TMCO2: variants seen among roughly 807,000 people sequenced by gnomAD.
The protein encoded by TMCO2 is transmembrane and coiled-coil domains 2, also known as transmembrane and coiled-coil domain-containing protein 2.
Under a neutral mutation model 18.0 loss-of-function variants are expected in TMCO2, and 15 were observed. The ratio of observed to expected loss-of-function variants is 0.84; its 90% CI spans 0.56 to 1.29. The LOEUF (loss-of-function observed/expected upper bound fraction) is 1.29. Ranked by LOEUF, TMCO2 falls within the 50% of genes most tolerant of loss-of-function variation. TMCO2 has a pLI of 0.00. For missense variants in TMCO2, 182 were observed against 200.9 expected, an observed-to-expected ratio of 0.91 and a Z score of 0.57; for synonymous variants, 79 against 75.9, an observed-to-expected ratio of 1.04 and a Z score of -0.21.
rs899767131 is a variant in TMCO2, at chr1:40,251,400, C to A, written c.355C>A (p.Leu119Ile). 3.1e-6 allele frequency: 5 copies of A among 1,613,952 alleles called. No homozygotes were observed. The highest frequency in any genetic ancestry group is 1.3e-5 in the African/African-American group (1 of 74,914). The change falls in exon 2 of 2, where the codon CTT (leucine) becomes ATT (isoleucine). Residue 119 changes from leucine (L) to isoleucine (I), a missense_variant. Coordinates refer to ENST00000372766, the MANE Select transcript of TMCO2 (RefSeq NM_001008740.4). ...SGLRIQDNNN[L>I]FLSLGLQEKI... ...TCTCCGAATTCAAGACAATAATAAT[C>A]TTTTCCTGTCCTTGGGTCTGCAAGA...
At position 40,251,622 on chromosome 1, in the gene TMCO2, G is replaced by C. The variant is rs764961141; in HGVS notation, c.*28G>C. The stretch of plus-strand genomic sequence containing the variant: ...TGTGATGGACTCCAATCTTTTCCAG[G>C]AAAGCACTGTTTCCCTCATGTGTGC... On this transcript the variant is annotated 3_prime_UTR_variant, in exon 2 of 2. Coordinates refer to ENST00000372766, the MANE Select transcript of TMCO2 (RefSeq NM_001008740.4). The C allele has an allele frequency of 1.9e-6, 3 of 1,585,592 alleles. No individual in the cohort carries two copies. In the African/African-American group the frequency reaches 4.1e-5, roughly 22 times the overall value.
intron 1 of TMCO2, among the ~76,000 whole-genome samples, chr1:40,249,560 CAA>C (rs1643364752): frequency 6.8e-6 from 1 of 146,530 alleles, no homozygotes; most frequent in Non-Finnish European, 1.5e-5. Flanking sequence ...GCCTGGGCGA[CAA>C]AGACTGTGTC....
rs756324888 is a variant in TMCO2 at position 40,251,374 on chromosome 1, G to A, written c.329G>A (p.Gly110Asp). ...EALLANPEGS[G>D]LRIQDNNNLF... The stretch of plus-strand genomic sequence containing the variant: ...TTGCTAGCCAACCCAGAAGGAAGTG[G>A]TCTCCGAATTCAAGACAATAATAAT... The change falls in exon 2 of 2, where the codon GGT becomes GAT. Residue 110 changes from glycine (G) to aspartate (D), a missense_variant. Coordinates refer to ENST00000372766, the MANE Select transcript of TMCO2 (RefSeq NM_001008740.4). The A allele has an allele frequency of 1.1e-5, 17 of 1,614,072 alleles. No homozygotes were observed. Among genetic ancestry groups the A allele is most frequent in the Non-Finnish European group, 1.4e-5 (17 of 1,180,016 alleles).
At chr1:40,251,253 T>C in intron 1 of TMCO2, 30 bp from the exon 2 acceptor site, 1 of 1,582,710 alleles carries the variant, frequency 6.3e-7, no homozygotes, top group Non-Finnish European at 8.6e-7. Context: ...CTGTAGCAAC[T>C]AACACTCAAC....
chr1:40,250,788 G>A (rs1436938926), intron 1 of TMCO2, among the ~76,000 whole-genome samples: 1 of 152,162 alleles, frequency 6.6e-6, no homozygotes, highest in Non-Finnish European at 1.5e-5. Flanking sequence ...AATCCTGCCT[G>A]ACCTGCCTAC....
intron 1 of TMCO2, among the ~76,000 whole-genome samples, chr1:40,248,687 AT>A (rs1643357398): frequency 1.3e-5 from 2 of 152,302 alleles, no homozygotes; most frequent in South Asian, 4.1e-4. Context: ...CTCCATAAGT[AT>A]ATAGGAGCTC....
intron 1 of TMCO2, among the ~76,000 whole-genome samples, chr1:40,251,068 C>T (rs1234648403): frequency 2.2e-5 from 3 of 137,846 alleles, no homozygotes; most frequent in South Asian, 2.3e-4. Context: ...ACCTGGGAGG[C>T]GGAGCTTGTA....
chr1:40,251,215 GT>G, intron 1 of TMCO2, 67 bp from the exon 2 acceptor site: 2 of 1,351,516 alleles, frequency 1.5e-6, no homozygotes, highest in Non-Finnish European at 2.0e-6. Context: ...TTAGGTTTTT[GT>G]TTTGTTTTTC....
rs762758959 is a variant in TMCO2 at position 40,248,162 on chromosome 1, ATTTC to A, written c.176_179del (p.Phe59Ter). The A allele has an allele frequency of 5.6e-6, 9 of 1,613,974 alleles. No individual in the cohort carries two copies. Among genetic ancestry groups the A allele is most frequent in the Non-Finnish European group, 7.6e-6 (9 of 1,180,024 alleles). On this transcript the variant is annotated frameshift_variant, in exon 1 of 2. Transcript: ENST00000372766. LOFTEE classifies it high-confidence loss of function. ...TCCAGCTGTGCAAATCATCTTGAGGATTTCTTTCTTGATTTTATTGGGAATAGGA... is the reference window on the plus strand; with the variant it reads ...TCCAGCTGTGCAAATCATCTTGAGGATTTCTTGATTTTATTGGGAATAGGA...
intron 1 of TMCO2, 100 bp downstream of exon 1, chr1:40,248,330 G>A (rs1643355077): frequency 9.8e-7 from 1 of 1,020,048 alleles, no homozygotes. Flanking sequence ...ATGCAGATGT[G>A]CAAAGGCGAA....
chr1:40,248,231 G>A lies in TMCO2; in HGVS notation c.237+1G>A. ...GAAACGAAGTATTCAGTCAATTCAG[G>A]TTATACTCTTTTGTTACAAACATTT... On this transcript the variant is annotated splice_donor_variant, in intron 1 of 1. Coordinates refer to ENST00000372766, the MANE Select transcript of TMCO2 (RefSeq NM_001008740.4). LOFTEE classifies it high-confidence loss of function. 1 of 1,603,490 alleles carries A rather than the reference G, an allele frequency of 6.2e-7. No homozygotes were observed. The highest frequency in any genetic ancestry group is 8.5e-7 in the Non-Finnish European group (1 of 1,171,266).
Position 40,251,288 on chromosome 1 carries a change from A to C in TMCO2, c.243A>C (p.Thr81=). Residue 81 remains threonine (T), a synonymous_variant, in exon 2 of 2, where the codon ACA becomes ACC. Transcript: ENST00000372766. The stretch of plus-strand genomic sequence containing the variant: ...CTTCTGTTGTTCCATTTTAGAAAAC[A>C]TTGTTGTTTGTAATCACACTCTACA... ...WKRSIQSIQK[T]LLFVITLYKL... 6.2e-7 allele frequency: 1 copy of C among 1,608,122 alleles called. No individual in the cohort carries two copies. The highest frequency in any genetic ancestry group is 1.1e-5 in the South Asian group (1 of 89,208).
chr1:40,251,161 C>A (rs878859917), intron 1 of TMCO2, 122 bp from the exon 2 acceptor site: 9 of 683,218 alleles, frequency 1.3e-5, no homozygotes, highest in Admixed American at 3.7e-5. Flanking sequence ...AAAAAATTTG[C>A]TAAATGGGAG....
chr1:40,250,055 G>C (rs1233388654), intron 1 of TMCO2, among the ~76,000 whole-genome samples: 4 of 151,400 alleles, frequency 2.6e-5, no homozygotes, highest in Admixed American at 2.6e-4. Flanking sequence ...GGAGTGCAGT[G>C]GTGTCATCAT....
At chr1:40,250,310 A>T (rs1310887360) in intron 1 of TMCO2, among the ~76,000 whole-genome samples, 3 of 146,416 alleles carry the variant, frequency 2.0e-5, no homozygotes, top group African/African-American at 7.8e-5. Context: ...TTTATTTTAT[A>T]TAAATAAAAT....
Position 40,251,255 on chromosome 1 carries a change from A to C in TMCO2, c.238-28A>C. ...TATAGATAGTAAACTGTAGCAACTAACACTCAACTTCTGTTGTTCCATTTT... is the reference window on the plus strand; with the variant it reads ...TATAGATAGTAAACTGTAGCAACTACCACTCAACTTCTGTTGTTCCATTTT... On this transcript the variant is annotated intron_variant, in intron 1 of 1. Transcript: ENST00000372766. 1.9e-6 allele frequency: 3 copies of C among 1,585,476 alleles called. No homozygotes were observed. The South Asian group carries it at 3.5e-5, about 18-fold the overall frequency.
At chr1:40,248,864 A>C (rs147658298) in intron 1 of TMCO2, among the ~76,000 whole-genome samples, 38 of 152,352 alleles carry the variant, frequency 2.5e-4, no homozygotes, top group African/African-American at 8.7e-4. Context: ...ACAAGTGAAG[A>C]AACTGAGGTG....
Position 40,251,390 on chromosome 1 carries a change from C to A in TMCO2, c.345C>A (p.Asp115Glu). 1 of 1,613,998 alleles carries A rather than the reference C, an allele frequency of 6.2e-7. No individual in the cohort carries two copies. Among genetic ancestry groups the A allele is most frequent in the Non-Finnish European group, 8.5e-7 (1 of 1,179,992 alleles). ...NPEGSGLRIQ[D>E]NNNLFLSLGL... ...AAGGAAGTGGTCTCCGAATTCAAGA[C>A]AATAATAATCTTTTCCTGTCCTTGG... is the stretch of plus-strand genomic sequence containing the variant. Residue 115 changes from aspartate to glutamate, a missense_variant, in exon 2 of 2, where the codon GAC becomes GAA. Coordinates refer to ENST00000372766, the MANE Select transcript of TMCO2 (RefSeq NM_001008740.4).
At chr1:40,249,255 ATG>A (rs3075101) in intron 1 of TMCO2, among the ~76,000 whole-genome samples, 20,153 of 139,632 alleles carry the variant, frequency 0.14, 1,431 homozygotes, top group East Asian at 0.34. Context: ...TTGAACAGGA[ATG>A]TGTGTGTGTG....
Sources: gnomAD v4.1 joint callset for allele counts (sites outside exome capture counted in the v4.1 genomes callset) on GRCh38, gnomAD v4.1.1 for gene constraint, MANE v1.5 for transcripts, NCBI Gene and HGNC (gene_info 2026-07-23, HGNC 2026-07-21) for gene names.